SGCD: variants seen among roughly 807,000 people sequenced by gnomAD.
SGCD encodes sarcoglycan delta, also known as delta-sarcoglycan.
A neutral mutation model predicts 36.6 loss-of-function variants in SGCD; 18 were observed. That is an observed-to-expected ratio of 0.49 (90% CI 0.34 to 0.73). The LOEUF (loss-of-function observed/expected upper bound fraction) is 0.73, where lower values mean the gene tolerates loss of function less well. Ranked by LOEUF, SGCD falls within the 30% of genes least tolerant of loss-of-function variation. The probability of loss-of-function intolerance (pLI) is 0.01; values close to 1 mark genes in which losing one functional copy is unlikely to be tolerated. For missense variants in SGCD, 387 were observed against 346.7 expected (o/e 1.12, Z -0.92); for synonymous variants, 133 against 130.6 (o/e 1.02, Z -0.12).
chr5:156,350,341 G>A (rs1490036789), intron 3 of SGCD, among the ~76,000 whole-genome samples: 1 of 150,464 alleles, frequency 6.6e-6, no homozygotes, highest in African/African-American at 2.4e-5. Flanking sequence ...TCAACAATTT[G>A]AGATTTGGGA....
At chr5:156,240,432 G>T (rs924116574) in intron 3 of SGCD, among the ~76,000 whole-genome samples, 8 of 152,056 alleles carry the variant, frequency 5.3e-5, no homozygotes, top group African/African-American at 7.2e-5. Context: ...GGCATATGAG[G>T]TCCCTAGGGA....
chr5:155,833,217 G>C, the SGCD span, among the ~76,000 whole-genome samples: 538 of 151,374 alleles, frequency 3.6e-3, 6 homozygotes, highest in Middle Eastern at 0.01. Flanking sequence ...GTGACACAGA[G>C]AGAATCTCAA....
chr5:156,380,198 A>G (rs1044968677), intron 3 of SGCD, among the ~76,000 whole-genome samples: 2 of 152,158 alleles, frequency 1.3e-5, no homozygotes, highest in Non-Finnish European at 2.9e-5. Context: ...TTTTAAGCTC[A>G]TCTGTGTTCC....
At chr5:156,047,348 A>C (rs113792361) in intron 1 of SGCD, among the ~76,000 whole-genome samples, 17,355 of 152,176 alleles carry the variant, frequency 0.11, 2,793 homozygotes, top group African/African-American at 0.36. Flanking sequence ...AATGAAACAG[A>C]CTTCTATTGG....
chr5:156,288,237 G>A (rs536522238), intron 3 of SGCD, among the ~76,000 whole-genome samples: 1 of 152,188 alleles, frequency 6.6e-6, no homozygotes, highest in African/African-American at 2.4e-5. Flanking sequence ...TTGAGTACTT[G>A]TCAAAGACCT....
Position 155,880,943 on chromosome 5 carries a change from T to A in SGCD, c.-282+10519T>A, listed in dbSNP as rs4704822. Among the ~76,000 whole-genome samples the A allele has an allele frequency of 3.2e-4, 49 of 152,128 alleles. 1 individual carries two copies. The highest frequency in any genetic ancestry group is 7.9e-4 in the Admixed American group (12 of 15,278). Reference sequence around the variant, plus strand: ...GTGAGCAGAAAAATGCTTCTTTTTCTTAGAATGAAAACAATCACCTATGTT... The same window carrying A: ...GTGAGCAGAAAAATGCTTCTTTTTCATAGAATGAAAACAATCACCTATGTT... On this transcript the variant is annotated intron_variant, in intron 1 of 9. Coordinates refer to the SGCD transcript ENST00000517913.
At chr5:155,957,758 C>A (rs10061899) in intron 1 of SGCD, among the ~76,000 whole-genome samples, 1 of 152,118 alleles carries the variant, frequency 6.6e-6, no homozygotes, top group Non-Finnish European at 1.5e-5. Context: ...TGAACAGCAG[C>A]CTTAATTCCA....
intron 3 of SGCD, among the ~76,000 whole-genome samples, chr5:156,296,459 A>G (rs933799776): frequency 3.3e-5 from 5 of 152,186 alleles, no homozygotes; most frequent in African/African-American, 1.2e-4. Flanking sequence ...TAATATAGGC[A>G]TTTATAGCTA....
intron 2 of SGCD, among the ~76,000 whole-genome samples, chr5:156,123,640 C>A (rs1762100939): frequency 6.6e-6 from 1 of 152,110 alleles, no homozygotes; most frequent in African/African-American, 2.4e-5. Context: ...TCCTAAAATA[C>A]CTTCCAGCCT....
At chr5:156,428,371 T>G (rs779606549) in intron 3 of SGCD, among the ~76,000 whole-genome samples, 1 of 152,148 alleles carries the variant, frequency 6.6e-6, no homozygotes, top group Non-Finnish European at 1.5e-5. Context: ...GTTTCTGTGA[T>G]ATTGGGTGTA....
intron 3 of SGCD, among the ~76,000 whole-genome samples, chr5:156,418,263 C>G (rs1773142894): frequency 6.6e-6 from 1 of 152,086 alleles, no homozygotes; most frequent in African/African-American, 2.4e-5. Flanking sequence ...AAAATTAAGT[C>G]TTGATGTGAG....
intron 6 of SGCD, among the ~76,000 whole-genome samples, chr5:156,602,170 C>T (rs1761223144): frequency 1.3e-5 from 2 of 152,040 alleles, no homozygotes; most frequent in Non-Finnish European, 2.9e-5. Flanking sequence ...CACCTCCTTG[C>T]TTAAGTTTAT....
chr5:156,390,466 G>A (rs374209216), intron 3 of SGCD, among the ~76,000 whole-genome samples: 25 of 152,308 alleles, frequency 1.6e-4, no homozygotes, highest in African/African-American at 5.1e-4. Context: ...AATGGCTCAC[G>A]CCTGTATTCC....
chr5:156,075,108 A>G (rs747879830), intron 1 of SGCD, among the ~76,000 whole-genome samples: 2 of 152,196 alleles, frequency 1.3e-5, no homozygotes, highest in Non-Finnish European at 2.9e-5. Context: ...TTTATTAAGG[A>G]AGTTTCAGTG....
intron 1 of SGCD, among the ~76,000 whole-genome samples, chr5:155,946,106 G>T (rs182402311): frequency 6.6e-6 from 1 of 152,284 alleles, no homozygotes; most frequent in Admixed American, 6.5e-5. Flanking sequence ...CCACTGGGTG[G>T]CTGGTGGTGG....
intron 1 of SGCD, among the ~76,000 whole-genome samples, chr5:155,896,837 A>G (rs920255600): frequency 1.3e-5 from 2 of 152,186 alleles, no homozygotes; most frequent in African/African-American, 2.4e-5. Context: ...ACACAAATTT[A>G]TGTTTGGAAA....
chr5:156,512,124 G>A (rs549170839), intron 4 of SGCD, among the ~76,000 whole-genome samples: 4 of 150,166 alleles, frequency 2.7e-5, no homozygotes, highest in East Asian at 3.9e-4. Flanking sequence ...AATACAGGAG[G>A]TGGAGCTTGC....
chr5:155,948,374 T>C (rs1757483205), intron 1 of SGCD, among the ~76,000 whole-genome samples: 1 of 152,212 alleles, frequency 6.6e-6, no homozygotes, highest in African/African-American at 2.4e-5. Context: ...GCTTTTTGGG[T>C]GGCTGGCCAA....
chr5:156,340,765 G>A (rs1427780622), intron 2 of SGCD, among the ~76,000 whole-genome samples: 1 of 152,176 alleles, frequency 6.6e-6, no homozygotes, highest in African/African-American at 2.4e-5. Context: ...TCAATTCCCC[G>A]GGCAGTACAT....
Sources: gnomAD v4.1 joint callset for allele counts (sites outside exome capture counted in the v4.1 genomes callset) on GRCh38, gnomAD v4.1.1 for gene constraint, MANE v1.5 for transcripts, NCBI Gene and HGNC (gene_info 2026-07-23, HGNC 2026-07-21) for gene names.